PLCH1: variants seen among roughly 807,000 people sequenced by gnomAD.
PLCH1 encodes phospholipase C eta 1.
A neutral mutation model predicts 126.7 loss-of-function variants in PLCH1; 60 were observed. The ratio of observed to expected loss-of-function variants is 0.47; its 90% confidence interval spans 0.38 to 0.59. The LOEUF (loss-of-function observed/expected upper bound fraction) is 0.59. PLCH1 is among the 20% of genes least tolerant of loss of function. The pLI, the probability that PLCH1 is intolerant of heterozygous loss-of-function variation, is 0.00. For synonymous variants in PLCH1, 719 were observed against 734.9 expected (o/e 0.98, Z 0.35); for missense variants, 1,723 against 2,040.0 (o/e 0.84, Z 2.99).
intron 2 of PLCH1, among the ~76,000 whole-genome samples, chr3:155,671,620 G>C (rs1453912343): frequency 6.6e-6 from 1 of 152,158 alleles, no homozygotes; most frequent in Admixed American, 6.5e-5. Context: ...GTTTGGCAAA[G>C]GGAGAGTGAT....
intron 18 of PLCH1, among the ~76,000 whole-genome samples, 198 bp downstream of exon 18, chr3:155,492,531 T>C (rs955425531): frequency 3.3e-5 from 5 of 152,228 alleles, no homozygotes; most frequent in African/African-American, 1.2e-4. Context: ...TGTGCTCTTA[T>C]GCCTTCAAAA....
At chr3:155,466,299 A>C (rs1040869065) in intron 21 of PLCH1, among the ~76,000 whole-genome samples, 2 of 152,010 alleles carry the variant, frequency 1.3e-5, no homozygotes, top group African/African-American at 2.4e-5. Flanking sequence ...AGAGAGAGAA[A>C]CTCTGTATGT....
chr3:155,604,907 T>C (rs1433867210), intron 2 of PLCH1, among the ~76,000 whole-genome samples: 1 of 152,160 alleles, frequency 6.6e-6, no homozygotes, highest in Non-Finnish European at 1.5e-5. Context: ...AGAAAAAGGA[T>C]TAGTGTGACA....
chr3:155,657,322 A>C (rs1220201155), intron 2 of PLCH1, among the ~76,000 whole-genome samples: 1 of 152,178 alleles, frequency 6.6e-6, no homozygotes, highest in East Asian at 1.9e-4. Flanking sequence ...ATAAAACAGA[A>C]AAGGGGAACC....
chr3:155,465,838 G>A (rs961024716), intron 21 of PLCH1, among the ~76,000 whole-genome samples: 1 of 152,196 alleles, frequency 6.6e-6, no homozygotes, highest in Non-Finnish European at 1.5e-5. Context: ...ATTGGTGGTA[G>A]TCTGACAGTA....
intron 21 of PLCH1, among the ~76,000 whole-genome samples, chr3:155,472,568 A>C (rs1713318399): frequency 1.3e-5 from 2 of 151,870 alleles, no homozygotes; most frequent in Admixed American, 1.3e-4. Context: ...ATCCTCCCTA[A>C]CTCATTTTAT....
At chr3:155,605,061 T>C (rs1346446308) in intron 2 of PLCH1, among the ~76,000 whole-genome samples, 1 of 152,216 alleles carries the variant, frequency 6.6e-6, no homozygotes, top group Non-Finnish European at 1.5e-5. Flanking sequence ...TGGTCAGTTA[T>C]AAACTTTGCT....
intron 1 of PLCH1, among the ~76,000 whole-genome samples, chr3:155,737,231 C>CAAAAAAAAAAAAAAAAAAAAAAAAAAA (rs557369057): frequency 3.4e-5 from 2 of 59,540 alleles, no homozygotes; most frequent in African/African-American, 1.1e-4. Flanking sequence ...GCCTCCGTCT[C>CAAAAAAAAAAAAAAAAAAAAAAAAAAA]AAAAAAAAAA....
intron 7 of PLCH1, among the ~76,000 whole-genome samples, chr3:155,567,675 C>A (rs368424414): frequency 6.6e-6 from 1 of 152,142 alleles, no homozygotes; most frequent in African/African-American, 2.4e-5. Flanking sequence ...ATATTATTTA[C>A]GTCTAACATT....
At chr3:155,577,447 T>A (rs903984209) in intron 6 of PLCH1, among the ~76,000 whole-genome samples, 2 of 152,178 alleles carry the variant, frequency 1.3e-5, no homozygotes, top group Admixed American at 6.5e-5. Context: ...TATTTCTCTC[T>A]TTTGTATGTT....
intron 9 of PLCH1, among the ~76,000 whole-genome samples, chr3:155,550,829 T>A (rs1205031074): frequency 1.3e-5 from 2 of 152,196 alleles, no homozygotes; most frequent in Non-Finnish European, 1.5e-5. Context: ...ACCTAATATA[T>A]CAATGTGCAG....
intron 1 of PLCH1, among the ~76,000 whole-genome samples, chr3:155,733,982 C>T (rs906141261): frequency 8.3e-5 from 11 of 131,820 alleles, no homozygotes; most frequent in African/African-American, 2.5e-4. Flanking sequence ...TATATATGCA[C>T]TCAACATCAC....
In PLCH1 at chr3:155,678,070, G is replaced by T. The variant is rs75433285; in HGVS notation, c.79+26076C>A. Among the ~76,000 whole-genome samples the T allele has an allele frequency of 1.0e-3, 156 of 152,272 alleles. 6 individuals carry two copies. In the East Asian group the frequency reaches 0.026, roughly 26 times the overall value. ...AGACCAAAGCACTCCCAGCTCCCAA[G>T]AAGTTTTGGAAAGGCTTCCTTCCAA... On this transcript the variant is annotated intron_variant, in intron 2 of 22. Coordinates refer to ENST00000460012, the MANE Select transcript of PLCH1 (RefSeq NM_014996.4).
chr3:155,455,246 C>G (rs1052216288), intron 21 of PLCH1, among the ~76,000 whole-genome samples: 3 of 152,148 alleles, frequency 2.0e-5, no homozygotes, highest in African/African-American at 7.2e-5. Flanking sequence ...ACAACCCTCA[C>G]CCTGCCACTG....
chr3:155,494,674 A>G (rs1398986660), intron 15 of PLCH1, among the ~76,000 whole-genome samples, 157 bp from the exon 16 acceptor site: 1 of 152,178 alleles, frequency 6.6e-6, no homozygotes, highest in Non-Finnish European at 1.5e-5. Context: ...CTCAACAGAA[A>G]AGACCCATAA....
chr3:155,544,897 G>A (rs1037092504), intron 10 of PLCH1, among the ~76,000 whole-genome samples: 19 of 151,152 alleles, frequency 1.3e-4, no homozygotes, highest in Non-Finnish European at 2.2e-4. Context: ...AGTGTGTAGA[G>A]GGAAATTTAT....
At chr3:155,620,812 G>A (rs1415123917) in intron 2 of PLCH1, among the ~76,000 whole-genome samples, 1 of 151,600 alleles carries the variant, frequency 6.6e-6, no homozygotes, top group Non-Finnish European at 1.5e-5. Context: ...GCACCTGGGG[G>A]AAGGGGCAGC....
intron 2 of PLCH1, among the ~76,000 whole-genome samples, chr3:155,652,433 T>A (rs1465912186): frequency 6.6e-6 from 1 of 152,196 alleles, no homozygotes; most frequent in African/African-American, 2.4e-5. Context: ...CACAATAGGT[T>A]AGAATCCCTG....
chr3:155,736,933 A>G (rs1460400511), intron 1 of PLCH1, among the ~76,000 whole-genome samples: 3 of 152,008 alleles, frequency 2.0e-5, no homozygotes, highest in Non-Finnish European at 4.4e-5. Flanking sequence ...TTCAAAAGGC[A>G]TAAAAGAGTA....
Sources: gnomAD v4.1 joint callset for allele counts (sites outside exome capture counted in the v4.1 genomes callset) on GRCh38, gnomAD v4.1.1 for gene constraint, MANE v1.5 for transcripts, NCBI Gene and HGNC (gene_info 2026-07-23, HGNC 2026-07-21) for gene names.